MAP3K5: variants seen among roughly 807,000 people sequenced by gnomAD.
The protein encoded by MAP3K5 is ASK-1.
A neutral mutation model predicts 158.7 loss-of-function variants in MAP3K5; 56 were observed. That is an observed-to-expected ratio of 0.35 (90% CI 0.28 to 0.44). The LOEUF is 0.44. MAP3K5 is among the 20% of genes least tolerant of loss of function. MAP3K5 has a pLI of 1.00. For missense variants in MAP3K5, 1,294 were observed against 1,674.8 expected, an observed-to-expected ratio of 0.77 and a Z score of 3.97; for synonymous variants, 579 against 601.7, an observed-to-expected ratio of 0.96 and a Z score of 0.55.
At position 136,630,549 on chromosome 6, in the gene MAP3K5, G is replaced by A. The variant is rs565243952; in HGVS notation, c.2016+6776C>T. On this transcript the variant is annotated intron_variant, in intron 14 of 29. Coordinates refer to ENST00000359015, the MANE Select transcript of MAP3K5 (RefSeq NM_005923.4). ...AAAACCTTATCTAAATTTCTTTTGC[G>A]GACATAAGCAATGCCTCCTAAAATA... 1.6e-3 allele frequency among the ~76,000 whole-genome samples: 242 copies of A among 152,272 alleles called. 3 individuals carry two copies. The highest frequency in any genetic ancestry group is 3.4e-3 in the Middle Eastern group (1 of 294).
chr6:136,748,829 C>A (rs1783070065), intron 1 of MAP3K5, among the ~76,000 whole-genome samples: 1 of 152,180 alleles, frequency 6.6e-6, no homozygotes, highest in South Asian at 2.1e-4. Flanking sequence ...AACTAGGTAG[C>A]TTTAACTAGA....
chr6:136,613,303 T>A lies in MAP3K5; in HGVS notation c.2279-47A>T. 6.5e-7 allele frequency: 1 copy of A among 1,538,046 alleles called. No homozygotes were observed. Among genetic ancestry groups the A allele is most frequent in the South Asian group, 1.2e-5 (1 of 85,230 alleles). On this transcript the variant is annotated intron_variant, in intron 16 of 29. Coordinates refer to ENST00000359015, the MANE Select transcript of MAP3K5 (RefSeq NM_005923.4). This position sits in a 1 kb window ranked among gnomAD's most constrained non-coding sequence, Gnocchi z 4.0. ...TAAATAAATCCTCATTCAAATGAGC[T>A]CTTTAAAGTGTATTAATAATGTAAC...
At chr6:136,678,532 TATAAAG>T (rs1392947132) in intron 7 of MAP3K5, among the ~76,000 whole-genome samples, 1 of 152,178 alleles carries the variant, frequency 6.6e-6, no homozygotes, top group Non-Finnish European at 1.5e-5. Flanking sequence ...CAAAACTATC[TATAAAG>T]ATAGAGAAAT....
At position 136,567,676 on chromosome 6, in the gene MAP3K5, C is replaced by T. The variant is rs772790976; in HGVS notation, c.3716G>A (p.Arg1239Gln). The T allele has an allele frequency of 1.5e-5, 24 of 1,614,130 alleles. No individual in the cohort carries two copies. In the East Asian group the frequency reaches 2.0e-4, roughly 13 times the overall value. ...TVSHDSQSAH[R>Q]SLNVQLGRMK... The stretch of plus-strand genomic sequence containing the variant: ...CCTTCCAAGCTGTACATTCAGTGAC[C>T]GGTGAGCACTCTGGGAATCATGAGA... The change falls in exon 26 of 30, where the codon CGG (arginine) becomes CAG (glutamine). Residue 1239 changes from arginine (R) to glutamine (Q), a missense_variant. Around this residue, in one of 5 missense-constraint regions of MAP3K5, gnomAD observed 199 missense variants for 220.3 expected, o/e 0.90. Transcript: ENST00000359015.
intron 21 of MAP3K5, 131 bp from the exon 22 acceptor site, chr6:136,592,745 T>C: frequency 1.2e-6 from 1 of 829,770 alleles, no homozygotes; most frequent in Non-Finnish European, 2.0e-6. Flanking sequence ...TTATGCTATG[T>C]AAGGGAACGG....
intron 14 of MAP3K5, chr6:136,636,751 T>C (rs1777655599): frequency 2.4e-6 from 2 of 848,456 alleles, no homozygotes; most frequent in South Asian, 1.1e-4. Context: ...AAGACCAGTC[T>C]GGGCAACATA....
chr6:136,779,038 G>A (rs181840313), intron 1 of MAP3K5, among the ~76,000 whole-genome samples: 83 of 152,204 alleles, frequency 5.5e-4, no homozygotes, highest in Non-Finnish European at 9.1e-4. Context: ...AGTGGCTCAC[G>A]CCTGTAATCC....
chr6:136,563,347 T>A (rs559591856), intron 26 of MAP3K5, among the ~76,000 whole-genome samples: 2 of 152,368 alleles, frequency 1.3e-5, no homozygotes, highest in East Asian at 3.9e-4. Flanking sequence ...CAAATGTGCA[T>A]AATTTCATAA....
At chr6:136,725,494 T>A (rs751801998) in intron 1 of MAP3K5, among the ~76,000 whole-genome samples, 3 of 152,240 alleles carry the variant, frequency 2.0e-5, no homozygotes, top group Non-Finnish European at 4.4e-5. Context: ...TTGCTATCTG[T>A]ATATCTTATT....
At chr6:136,675,576 A>AAT (rs989701595) in intron 7 of MAP3K5, among the ~76,000 whole-genome samples, 7 of 152,124 alleles carry the variant, frequency 4.6e-5, no homozygotes, top group African/African-American at 1.7e-4. Flanking sequence ...TAAACTGAAC[A>AAT]ATATATATAT....
chr6:136,695,093 T>C (rs1395824512), intron 6 of MAP3K5, among the ~76,000 whole-genome samples: 1 of 152,110 alleles, frequency 6.6e-6, no homozygotes, highest in Non-Finnish European at 1.5e-5. Flanking sequence ...GGTTTCCTTG[T>C]GGAGTGATGA....
chr6:136,629,766 C>CTTTT (rs1252412720), intron 14 of MAP3K5, among the ~76,000 whole-genome samples: 2,439 of 148,230 alleles, frequency 0.016, 99 homozygotes, highest in East Asian at 0.14. Context: ...ATCTCACCTT[C>CTTTT]ATTTATTTAT....
intron 1 of MAP3K5, among the ~76,000 whole-genome samples, chr6:136,777,264 C>T (rs961486349): frequency 6.6e-6 from 1 of 152,202 alleles, no homozygotes; most frequent in Non-Finnish European, 1.5e-5. Context: ...AGACTCCAGG[C>T]TCCTCTAGAG....
At chr6:136,705,214 A>G in intron 2 of MAP3K5, 81 bp from the exon 3 acceptor site, 1 of 652,892 alleles carries the variant, frequency 1.5e-6, no homozygotes, top group Admixed American at 3.2e-5. Flanking sequence ...TATGTGGGAA[A>G]ATTTGTATTA....
rs189455364 is a variant in MAP3K5, at chr6:136,743,170, G to A, written c.449-22581C>T. 3.1e-3 allele frequency among the ~76,000 whole-genome samples: 465 copies of A among 152,314 alleles called. 3 individuals are homozygous for A. The highest frequency in any genetic ancestry group is 0.011 in the African/African-American group (442 of 41,578). On this transcript the variant is annotated intron_variant, in intron 1 of 29. Transcript: ENST00000359015. ...TTGCAAATTAAAACATTAAGATACG[G>A]CTGGGCGCAGTGGCTCACGCCTGTA...
intron 21 of MAP3K5, 70 bp from the exon 22 acceptor site, chr6:136,592,684 T>C: frequency 1.6e-6 from 2 of 1,236,494 alleles, no homozygotes; most frequent in Non-Finnish European, 2.4e-6. Flanking sequence ...AAACACCCAT[T>C]GAAAGAGGCC....
chr6:136,650,372 T>G (rs1778464237), intron 11 of MAP3K5, among the ~76,000 whole-genome samples: 1 of 152,246 alleles, frequency 6.6e-6, no homozygotes, highest in Non-Finnish European at 1.5e-5. Flanking sequence ...AGTAGGATGA[T>G]TTGCACATGC....
chr6:136,572,143 C>A (rs1206001600), intron 25 of MAP3K5, among the ~76,000 whole-genome samples: 3 of 152,108 alleles, frequency 2.0e-5, no homozygotes, highest in Non-Finnish European at 1.5e-5. Flanking sequence ...ATTTAGAAAG[C>A]AATAAAATAA....
At chr6:136,612,649 A>G (rs899129416) in intron 17 of MAP3K5, among the ~76,000 whole-genome samples, 2 of 152,250 alleles carry the variant, frequency 1.3e-5, no homozygotes, top group Non-Finnish European at 2.9e-5. Context: ...TAGAGAATCT[A>G]TACCTTATAA....
Sources: gnomAD v4.1 joint callset for allele counts (sites outside exome capture counted in the v4.1 genomes callset) on GRCh38, gnomAD v4.1.1 for gene constraint, gnomAD v4.1.1 regional missense constraint, Gnocchi (gnomAD v3.1) non-coding constraint, MANE v1.5 for transcripts, NCBI Gene and HGNC (gene_info 2026-07-23, HGNC 2026-07-21) for gene names.